Variants in ERC2 observed in about 807,000 individuals in gnomAD.
ERC2 encodes ELKS/RAB6-interacting/CAST family member 2, also known as ERC protein 2.
In ERC2, 42 loss-of-function variants were observed where a neutral mutation model predicts 114.8. The observed-to-expected ratio is 0.37, with a 90% confidence interval of 0.29 to 0.47. The LOEUF (loss-of-function observed/expected upper bound fraction) is 0.47. Ranked by LOEUF, ERC2 falls within the 20% of genes least tolerant of loss-of-function variation. The pLI is 0.99. For synonymous variants in ERC2, 454 were observed against 425.5 expected (o/e 1.07, Z -0.82); for missense variants, 939 against 1,150.7 (o/e 0.82, Z 2.66).
At chr3:56,359,794 G>A (rs1260820455) in intron 2 of ERC2, among the ~76,000 whole-genome samples, 1 of 148,674 alleles carries the variant, frequency 6.7e-6, no homozygotes, top group East Asian at 1.9e-4. Context: ...TGGCAAGAAA[G>A]GAAGCAAGAG....
intron 17 of ERC2, among the ~76,000 whole-genome samples, chr3:55,582,934 A>T (rs763527644): frequency 6.6e-6 from 1 of 152,238 alleles, no homozygotes; most frequent in African/African-American, 2.4e-5. Context: ...TTCTTGCCAG[A>T]TAAGTGACTT....
At chr3:56,439,414 C>A (rs1175074429) in intron 1 of ERC2, among the ~76,000 whole-genome samples, 5 of 152,190 alleles carry the variant, frequency 3.3e-5, no homozygotes, top group Non-Finnish European at 7.3e-5. Flanking sequence ...CCACTGCACT[C>A]CAGCCTGGGT....
chr3:55,760,144 C>T (rs1211297775), intron 14 of ERC2, among the ~76,000 whole-genome samples: 20 of 152,276 alleles, frequency 1.3e-4, no homozygotes, highest in Non-Finnish European at 2.9e-5. Flanking sequence ...GACAGAGTAA[C>T]ACATTGACAT....
At chr3:55,907,346 G>T (rs1004380712) in intron 13 of ERC2, among the ~76,000 whole-genome samples, 2 of 152,182 alleles carry the variant, frequency 1.3e-5, no homozygotes, top group African/African-American at 4.8e-5. Flanking sequence ...CTGAGCCTCT[G>T]ATTCCTTAAC....
chr3:56,434,042 T>C (rs560925990), intron 2 of ERC2: 1 of 355,748 alleles, frequency 2.8e-6, no homozygotes, highest in South Asian at 5.2e-5. Flanking sequence ...GAACAGCTGT[T>C]GCAACTGCTG....
chr3:55,732,820 T>C (rs1204233161), intron 15 of ERC2, among the ~76,000 whole-genome samples: 1 of 152,182 alleles, frequency 6.6e-6, no homozygotes, highest in Non-Finnish European at 1.5e-5. Context: ...ACACAATAAA[T>C]GAAATGACAC....
Position 56,252,757 on chromosome 3 carries a change from C to CAAAAAAAAAAAAAAA in ERC2, c.1074+43247_1074+43261dup, listed in dbSNP as rs71099628. On this transcript the variant is annotated intron_variant, in intron 3 of 17. Transcript: ENST00000288221. ...GGGCAACAAGAGCAAAACTCTGTCT[C>CAAAAAAAAAAAAAAA]AAAAAAAAAAAAAAAAAAAGACATG... 9.4e-4 allele frequency among the ~76,000 whole-genome samples: 70 copies of CAAAAAAAAAAAAAAA among 74,156 alleles called. 5 individuals carry two copies. Among genetic ancestry groups the CAAAAAAAAAAAAAAA allele is most frequent in the African/African-American group, 3.9e-3 (69 of 17,474 alleles). 48.6% of individuals were successfully genotyped at this position (74,156 alleles called of 152,430 possible).
intron 3 of ERC2, among the ~76,000 whole-genome samples, chr3:56,209,125 C>G (rs1229159692): frequency 6.6e-6 from 1 of 152,174 alleles, no homozygotes. Context: ...TTTTGCCACT[C>G]TGCCCAGCCT....
At chr3:55,880,910 C>A (rs921778437) in intron 14 of ERC2, among the ~76,000 whole-genome samples, 3 of 151,908 alleles carry the variant, frequency 2.0e-5, no homozygotes, top group African/African-American at 7.3e-5. Context: ...TATGTATAGC[C>A]TTTTGTGGGT....
chr3:55,742,405 T>C (rs1047342411), intron 14 of ERC2, among the ~76,000 whole-genome samples: 2 of 152,204 alleles, frequency 1.3e-5, no homozygotes, highest in Non-Finnish European at 1.5e-5. Flanking sequence ...CTATTACAAA[T>C]TGGATTTGGG....
At chr3:56,062,587 C>G (rs968052149) in intron 7 of ERC2, among the ~76,000 whole-genome samples, 16 of 152,134 alleles carry the variant, frequency 1.1e-4, no homozygotes, top group African/African-American at 3.6e-4. Context: ...AAGAAGCGCT[C>G]ATTTCTTTTA....
At chr3:55,889,854 A>T (rs533868404) in intron 13 of ERC2, among the ~76,000 whole-genome samples, 2 of 152,224 alleles carry the variant, frequency 1.3e-5, no homozygotes, top group African/African-American at 2.4e-5. Flanking sequence ...AAGACTTTCT[A>T]CACAATTTCT....
chr3:55,797,299 T>G (rs148132160), intron 14 of ERC2, among the ~76,000 whole-genome samples: 1 of 152,162 alleles, frequency 6.6e-6, no homozygotes, highest in Non-Finnish European at 1.5e-5. Context: ...AAAGCCCACA[T>G]AAATAGCAGA....
At chr3:56,166,003 T>C (rs750225957) in intron 4 of ERC2, among the ~76,000 whole-genome samples, 7 of 152,092 alleles carry the variant, frequency 4.6e-5, no homozygotes, top group Non-Finnish European at 8.8e-5. Context: ...CATTTTACCA[T>C]TGAACATGAT....
intron 10 of ERC2, among the ~76,000 whole-genome samples, chr3:55,994,647 TAAAAAAA>T (rs10662566): frequency 2.1e-4 from 13 of 61,418 alleles, no homozygotes; most frequent in African/African-American, 9.1e-4. Flanking sequence ...ACATACTCCC[TAAAAAAA>T]AAAAAAAAAA....
intron 7 of ERC2, among the ~76,000 whole-genome samples, chr3:56,048,111 T>A (rs888854737): frequency 1.3e-5 from 2 of 152,234 alleles, no homozygotes; most frequent in Admixed American, 1.3e-4. Context: ...GATATTCAGA[T>A]AAGCAAGTCA....
intron 2 of ERC2, among the ~76,000 whole-genome samples, chr3:56,303,124 C>G (rs1192229607): frequency 1.3e-5 from 2 of 152,348 alleles, no homozygotes; most frequent in Non-Finnish European, 2.9e-5. Flanking sequence ...TCTCCACTGT[C>G]TGCCACTGGA....
chr3:55,514,336 G>A (rs191821987), intron 17 of ERC2, among the ~76,000 whole-genome samples: 3 of 152,276 alleles, frequency 2.0e-5, no homozygotes, highest in Non-Finnish European at 4.4e-5. Context: ...GGTCGAGGCT[G>A]CAGTAAGCCG....
intron 3 of ERC2, among the ~76,000 whole-genome samples, chr3:56,292,922 G>A (rs1212626881): frequency 2.0e-5 from 3 of 152,150 alleles, no homozygotes; most frequent in African/African-American, 7.2e-5. Flanking sequence ...CATCACCAGT[G>A]CTTCACTCTC....
Sources: gnomAD v4.1 joint callset for allele counts (sites outside exome capture counted in the v4.1 genomes callset) on GRCh38, gnomAD v4.1.1 for gene constraint, MANE v1.5 for transcripts, NCBI Gene and HGNC (gene_info 2026-07-23, HGNC 2026-07-21) for gene names.